Variants in LYPLAL1 observed in about 807,000 individuals in gnomAD.
LYPLAL1 encodes lysophospholipase like 1, also known as lysophospholipase-like protein 1.
Under a neutral mutation model 19.7 loss-of-function variants are expected in LYPLAL1, and 23 were observed. That is an observed-to-expected ratio of 1.17 (90% CI 0.84 to 1.65). The LOEUF (loss-of-function observed/expected upper bound fraction) is 1.65, where lower values mean the gene tolerates loss of function less well. LYPLAL1 is among the 40% of genes most tolerant of loss of function. The pLI is 0.00. For synonymous variants in LYPLAL1, 119 were observed against 96.3 expected, an observed-to-expected ratio of 1.24 and a Z score of -1.38; for missense variants, 355 against 279.4, an observed-to-expected ratio of 1.27 and a Z score of -1.93.
intron 3 of LYPLAL1, among the ~76,000 whole-genome samples, chr1:219,203,472 A>G (rs1297711972): frequency 2.6e-5 from 4 of 152,184 alleles, no homozygotes; most frequent in African/African-American, 7.2e-5. Flanking sequence ...AGAGGGAAGT[A>G]AAGTATTCTA....
chr1:219,268,680 A>G, the LYPLAL1 span, among the ~76,000 whole-genome samples: 1 of 152,272 alleles, frequency 6.6e-6, no homozygotes, highest in Non-Finnish European at 1.5e-5. Context: ...TTTGAAAGAC[A>G]TATCATCCAG....
chr1:219,419,081 T>G, the LYPLAL1 span, among the ~76,000 whole-genome samples: 1 of 152,210 alleles, frequency 6.6e-6, no homozygotes, highest in Non-Finnish European at 1.5e-5. Flanking sequence ...GGCTTCCAAG[T>G]TTTGGCAATT....
rs746983677 is a variant in LYPLAL1, at chr1:219,179,254, G to A, written c.191+8G>A. ...TCCAACAGCTCCTCCCAGGTATGCAGTAATTTATCTCACTTGTCAATATAA... is the reference window on the plus strand; with the variant it reads ...TCCAACAGCTCCTCCCAGGTATGCAATAATTTATCTCACTTGTCAATATAA... On this transcript the variant is annotated splice_region_variant and intron_variant, in intron 2 of 4. Coordinates refer to ENST00000366928, the MANE Select transcript of LYPLAL1 (RefSeq NM_138794.5). The A allele has an allele frequency of 1.3e-5, 21 of 1,566,904 alleles. No homozygotes were observed. The highest frequency in any genetic ancestry group is 1.8e-5 in the Non-Finnish European group (21 of 1,139,382).
chr1:219,328,685 T>C, the LYPLAL1 span, among the ~76,000 whole-genome samples: 2 of 152,162 alleles, frequency 1.3e-5, no homozygotes, highest in East Asian at 1.9e-4. Context: ...TTAATAAACC[T>C]CAATCAAAAT....
chr1:219,282,376 T>C, the LYPLAL1 span, among the ~76,000 whole-genome samples: 3 of 151,860 alleles, frequency 2.0e-5, no homozygotes, highest in Non-Finnish European at 4.4e-5. Context: ...AGCTACTAAT[T>C]AGGAGTTCCA....
the LYPLAL1 span, among the ~76,000 whole-genome samples, chr1:219,344,941 C>T: frequency 6.6e-6 from 1 of 152,156 alleles, no homozygotes; most frequent in Non-Finnish European, 1.5e-5. Context: ...GGCTTCTTAA[C>T]ATCTTCCACC....
the LYPLAL1 span, among the ~76,000 whole-genome samples, chr1:219,363,308 A>C: frequency 6.6e-6 from 1 of 152,150 alleles, no homozygotes; most frequent in Admixed American, 6.5e-5. Context: ...TAGCACTTGA[A>C]ATATGCCTAG....
At chr1:219,380,406 A>G in the LYPLAL1 span, among the ~76,000 whole-genome samples, 77 of 152,284 alleles carry the variant, frequency 5.1e-4, no homozygotes, top group African/African-American at 1.8e-3. Context: ...CCCCAAACAA[A>G]CATGCTCATT....
chr1:219,221,549 C>A, the LYPLAL1 span, among the ~76,000 whole-genome samples: 1 of 152,144 alleles, frequency 6.6e-6, no homozygotes, highest in South Asian at 2.1e-4. Flanking sequence ...GTCGGGTGCT[C>A]AGTTTCAACA....
chr1:219,306,076 T>C, the LYPLAL1 span, among the ~76,000 whole-genome samples: 4 of 152,206 alleles, frequency 2.6e-5, no homozygotes, highest in South Asian at 8.3e-4. Flanking sequence ...ACTCCATACA[T>C]GTAATTTAGT....
the LYPLAL1 span, among the ~76,000 whole-genome samples, chr1:219,279,602 C>G: frequency 6.6e-6 from 1 of 152,048 alleles, no homozygotes; most frequent in Non-Finnish European, 1.5e-5. Flanking sequence ...ATTGGAAGAC[C>G]CATAAAACTG....
chr1:219,390,345 A>G, the LYPLAL1 span, among the ~76,000 whole-genome samples: 2 of 152,176 alleles, frequency 1.3e-5, no homozygotes, highest in African/African-American at 2.4e-5. Flanking sequence ...ACTTCTTCTA[A>G]AAGAAATGCA....
the LYPLAL1 span, chr1:219,222,878 C>A: frequency 6.6e-6 from 1 of 152,190 alleles, no homozygotes; most frequent in Admixed American, 6.5e-5. Context: ...AATGTTATAT[C>A]CACACATTGT....
chr1:219,327,863 A>G, the LYPLAL1 span, among the ~76,000 whole-genome samples: 1 of 152,096 alleles, frequency 6.6e-6, no homozygotes, highest in Non-Finnish European at 1.5e-5. Context: ...ATCTTCCACC[A>G]TGATTTTGAG....
chr1:219,414,432 C>T, the LYPLAL1 span, among the ~76,000 whole-genome samples: 1 of 152,158 alleles, frequency 6.6e-6, no homozygotes, highest in Non-Finnish European at 1.5e-5. Flanking sequence ...GAGCAAATAT[C>T]CGGACTTAAA....
At chr1:219,364,951 G>A in the LYPLAL1 span, among the ~76,000 whole-genome samples, 60 of 152,032 alleles carry the variant, frequency 3.9e-4, 2 homozygotes, top group African/African-American at 1.3e-3. Flanking sequence ...TTCTTTATTC[G>A]GAAGTATTTA....
chr1:219,329,598 A>G, the LYPLAL1 span, among the ~76,000 whole-genome samples: 1 of 152,160 alleles, frequency 6.6e-6, no homozygotes, highest in East Asian at 1.9e-4. Flanking sequence ...TCTTTTTATT[A>G]TGCATTTCAA....
the LYPLAL1 span, among the ~76,000 whole-genome samples, chr1:219,250,619 T>C: frequency 2.6e-5 from 4 of 152,008 alleles, no homozygotes; most frequent in Non-Finnish European, 4.4e-5. Context: ...TCCATGTCCC[T>C]GCAAAAGACA....
the LYPLAL1 span, among the ~76,000 whole-genome samples, chr1:219,428,832 T>C: frequency 1.3e-5 from 2 of 152,238 alleles, no homozygotes; most frequent in African/African-American, 4.8e-5. Flanking sequence ...ACGTTTTCAT[T>C]TCTCTCCCAA....
Sources: allele counts gnomAD v4.1 joint callset (sites outside exome capture counted in the v4.1 genomes callset), GRCh38; gene constraint gnomAD v4.1.1; transcripts MANE v1.5; gene names NCBI Gene and HGNC (gene_info 2026-07-23, HGNC 2026-07-21).